KLHL1: variants seen among roughly 807,000 people sequenced by gnomAD.
KLHL1 encodes the protein kelch like family member 1.
In KLHL1, 47 loss-of-function variants were observed where a neutral mutation model predicts 77.7. That is an observed-to-expected ratio of 0.60 (90% CI 0.48 to 0.77). KLHL1 has a LOEUF of 0.77. Among genes scored for constraint, KLHL1 ranks in the 30% least tolerant of loss-of-function variants. The pLI is 0.00. For synonymous variants in KLHL1, 360 were observed against 325.2 expected, an observed-to-expected ratio of 1.11 and a Z score of -1.15; for missense variants, 925 against 910.8, an observed-to-expected ratio of 1.02 and a Z score of -0.20.
intron 1 of KLHL1, among the ~76,000 whole-genome samples, chr13:69,976,158 C>G (rs1343895819): frequency 6.6e-6 from 1 of 151,798 alleles, no homozygotes; most frequent in East Asian, 1.9e-4. Flanking sequence ...TAATTTCGTT[C>G]ATTTGATATT....
In KLHL1 at chr13:69,796,939, C is replaced by T. The variant is rs540276903; in HGVS notation, c.1438G>A (p.Asp480Asn). 6.9e-5 allele frequency: 112 copies of T among 1,614,098 alleles called. No individual in the cohort carries two copies. The South Asian group carries it at 1.2e-3, about 17-fold the overall frequency. ...NKGATTIEKY[D>N]LRTNLWIQAG... The stretch of plus-strand genomic sequence containing the variant: ...TGGATCCACAGATTTGTTCTCAGAT[C>T]ATATTTCTCTATAGTTGTAGCTCCT... The change falls in exon 7 of 11, where the codon GAT becomes AAT. Residue 480 changes from aspartate (D) to asparagine (N), a missense_variant. Asp to Asn is a conservative substitution (Grantham distance 23). Transcript: ENST00000377844.
At chr13:69,784,529 G>T (rs1593828457) in intron 7 of KLHL1, among the ~76,000 whole-genome samples, 1 of 151,936 alleles carries the variant, frequency 6.6e-6, no homozygotes, top group African/African-American at 2.4e-5. Flanking sequence ...GGCAGGGGTT[G>T]CAATCCTAGT....
intron 7 of KLHL1, among the ~76,000 whole-genome samples, chr13:69,759,164 C>T (rs1033950912): frequency 1.3e-5 from 2 of 152,222 alleles, no homozygotes; most frequent in East Asian, 3.9e-4. Flanking sequence ...TAGCTGTTGA[C>T]CAAGGCACAG....
intron 4 of KLHL1, among the ~76,000 whole-genome samples, chr13:69,934,962 G>GTA (rs67195697): frequency 0.1 from 13,315 of 129,356 alleles, 763 homozygotes; most frequent in East Asian, 0.14. Context: ...GTGTGCATGT[G>GTA]TATATATATA....
chr13:69,955,923 TTATATATATTTGATATATATTTA>T lies in KLHL1; in HGVS notation c.817+5362_817+5384del, dbSNP rs1453411171. 2.8e-4 allele frequency among the ~76,000 whole-genome samples: 33 copies of T among 119,258 alleles called. No individual in the cohort carries two copies. In the Middle Eastern group the frequency reaches 0.013, roughly 46 times the overall value. The allele number at this position is 119,258 out of a possible 152,430, so 78.2% of individuals were successfully genotyped here. Reference sequence around the variant, plus strand: ...ATTTATATATATTTGATATATATATTTATATATATTTGATATATATTTATATATATATTTGATATTTATATATT... The same window carrying T: ...ATTTATATATATTTGATATATATATTTATATATATTTGATATTTATATATT... On this transcript the variant is annotated intron_variant, in intron 3 of 10. Coordinates refer to ENST00000377844, the MANE Select transcript of KLHL1 (RefSeq NM_020866.3).
intron 1 of KLHL1, among the ~76,000 whole-genome samples, chr13:69,997,940 C>T (rs200140393): frequency 1.3e-5 from 2 of 151,716 alleles, no homozygotes; most frequent in East Asian, 3.9e-4. Flanking sequence ...TCTTCGAGAT[C>T]CTGATTTCAA....
chr13:69,891,645 G>C (rs1483198249), intron 4 of KLHL1, among the ~76,000 whole-genome samples: 1 of 152,054 alleles, frequency 6.6e-6, no homozygotes, highest in South Asian at 2.1e-4. Context: ...CTTGAATATA[G>C]ATTTTATAAC....
intron 5 of KLHL1, among the ~76,000 whole-genome samples, chr13:69,851,059 C>T (rs1879666315): frequency 6.8e-6 from 1 of 146,956 alleles, no homozygotes; most frequent in Non-Finnish European, 1.5e-5. Flanking sequence ...CAATTTATAA[C>T]TGTATTGTTT....
intron 1 of KLHL1, among the ~76,000 whole-genome samples, chr13:70,105,703 A>T (rs1462988761): frequency 6.6e-6 from 1 of 151,218 alleles, no homozygotes; most frequent in Non-Finnish European, 1.5e-5. Flanking sequence ...TTGATTTTTT[A>T]AATTATAAAA....
chr13:70,072,530 C>T (rs573329922), intron 1 of KLHL1, among the ~76,000 whole-genome samples: 18 of 152,082 alleles, frequency 1.2e-4, no homozygotes, highest in South Asian at 4.2e-4. Flanking sequence ...TAGATATGTG[C>T]GAAATCCTCA....
intron 1 of KLHL1, among the ~76,000 whole-genome samples, chr13:70,066,932 G>C (rs1887021859): frequency 6.6e-6 from 1 of 152,154 alleles, no homozygotes; most frequent in Admixed American, 6.5e-5. Flanking sequence ...TCATAGAGTT[G>C]TGTTTTCTTT....
chr13:69,743,726 C>G (rs1354681168), intron 7 of KLHL1, among the ~76,000 whole-genome samples: 1 of 150,208 alleles, frequency 6.7e-6, no homozygotes, highest in Non-Finnish European at 1.5e-5. Flanking sequence ...GCAGAGGTTG[C>G]AGTGAGCCAA....
chr13:69,740,346 C>T lies in KLHL1; in HGVS notation c.1802+48G>A, dbSNP rs769316609. The T allele has an allele frequency of 7.1e-6, 9 of 1,263,822 alleles. No individual in the cohort carries two copies. The East Asian group carries it at 1.8e-4, about 25-fold the overall frequency. 78.3% of individuals were successfully genotyped at this position (1,263,822 alleles called of 1,614,324 possible). A position where few individuals can be genotyped will look rare whatever the true frequency, so the allele number is the denominator to read the frequency against. ...ACTTATTTTTCAAATAATATTTACC[C>T]AATAACTTTTTTTCTAAGATTAAAA... is the stretch of plus-strand genomic sequence containing the variant. On this transcript the variant is annotated intron_variant, in intron 8 of 10. Transcript: ENST00000377844.
At chr13:69,893,829 T>C (rs930797522) in intron 4 of KLHL1, among the ~76,000 whole-genome samples, 2 of 152,244 alleles carry the variant, frequency 1.3e-5, no homozygotes, top group African/African-American at 2.4e-5. Context: ...AGTTATTTAC[T>C]TATGTGTTTA....
chr13:70,035,724 G>T, intron 1 of KLHL1, among the ~76,000 whole-genome samples: 1 of 151,976 alleles, frequency 6.6e-6, no homozygotes, highest in East Asian at 1.9e-4. Flanking sequence ...TGAGTTTACT[G>T]ATGGAAGGGC....
At chr13:70,027,233 T>G (rs1416584990) in intron 1 of KLHL1, among the ~76,000 whole-genome samples, 1 of 152,130 alleles carries the variant, frequency 6.6e-6, no homozygotes, top group Non-Finnish European at 1.5e-5. Flanking sequence ...TAATTCTCCT[T>G]TACAAACATT....
At chr13:69,988,102 C>T (rs1884925728) in intron 1 of KLHL1, among the ~76,000 whole-genome samples, 1 of 151,574 alleles carries the variant, frequency 6.6e-6, no homozygotes, top group Admixed American at 6.6e-5. Flanking sequence ...CGGGGGGAAC[C>T]TCTCCTTCCT....
chr13:69,706,268 C>T (rs1252854315), intron 10 of KLHL1, among the ~76,000 whole-genome samples: 1 of 151,678 alleles, frequency 6.6e-6, no homozygotes, highest in Non-Finnish European at 1.5e-5. Flanking sequence ...TTCTCTACTC[C>T]TTCTTTTTAC....
At chr13:70,062,078 C>T (rs1474183350) in intron 1 of KLHL1, among the ~76,000 whole-genome samples, 1 of 152,094 alleles carries the variant, frequency 6.6e-6, no homozygotes, top group Non-Finnish European at 1.5e-5. Context: ...ATTCCTTAAC[C>T]AGCCTCTCCC....
Sources: allele counts gnomAD v4.1 joint callset (sites outside exome capture counted in the v4.1 genomes callset), GRCh38; gene constraint gnomAD v4.1.1; transcripts MANE v1.5; gene names NCBI Gene and HGNC (gene_info 2026-07-23, HGNC 2026-07-21).